CTNND2: variants seen among roughly 807,000 people sequenced by gnomAD.
CTNND2 encodes catenin delta 2, also known as catenin delta-2.
Under a neutral mutation model 144.4 loss-of-function variants are expected in CTNND2, and 22 were observed. That is an observed-to-expected ratio of 0.15 (90% CI 0.11 to 0.22). CTNND2 has a LOEUF of 0.22. Among genes scored for constraint, CTNND2 ranks in the 10% least tolerant of loss-of-function variants. The pLI, the probability that CTNND2 is intolerant of heterozygous loss-of-function variation, is 1.00. For synonymous variants in CTNND2, 751 were observed against 695.6 expected, an observed-to-expected ratio of 1.08 and a Z score of -1.25; for missense variants, 1,353 against 1,618.8, an observed-to-expected ratio of 0.84 and a Z score of 2.82.
At chr5:11,512,640 C>T (rs1252497083) in intron 3 of CTNND2, among the ~76,000 whole-genome samples, 2 of 152,244 alleles carry the variant, frequency 1.3e-5, no homozygotes, top group Non-Finnish European at 2.9e-5. Context: ...CTCTTCTCTG[C>T]CTTCCATCAC....
intron 3 of CTNND2, among the ~76,000 whole-genome samples, chr5:11,458,159 A>G (rs937771373): frequency 1.3e-5 from 2 of 152,132 alleles, no homozygotes; most frequent in African/African-American, 2.4e-5. Context: ...CACCTCTCCA[A>G]TCTCTCTAGT....
chr5:11,455,839 T>C (rs901405343), intron 3 of CTNND2, among the ~76,000 whole-genome samples: 1 of 152,196 alleles, frequency 6.6e-6, no homozygotes, highest in Non-Finnish European at 1.5e-5. Context: ...GCATTTTGTT[T>C]TCCATCCGAA....
intron 3 of CTNND2, among the ~76,000 whole-genome samples, chr5:11,445,895 G>A (rs1465226522): frequency 2.0e-5 from 3 of 152,212 alleles, no homozygotes; most frequent in Admixed American, 1.3e-4. Flanking sequence ...ATGTAACACA[G>A]TATTTAAATA....
intron 18 of CTNND2, 128 bp from the exon 19 acceptor site, chr5:10,992,805 G>A: frequency 7.9e-7 from 1 of 1,268,396 alleles, no homozygotes; most frequent in Non-Finnish European, 1.1e-6. Context: ...GGTTCTTGAA[G>A]TTCTGCGCTC....
intron 7 of CTNND2, among the ~76,000 whole-genome samples, chr5:11,382,595 CTGTGTGTGTGTGTG>C (rs71582432): frequency 1.4e-3 from 183 of 130,226 alleles, no homozygotes; most frequent in Non-Finnish European, 2.2e-3. Context: ...GAGTGAGACT[CTGTGTGTGTGTGTG>C]TGTGTGTGTG....
chr5:11,759,687 T>A (rs2126802623), intron 1 of CTNND2, among the ~76,000 whole-genome samples: 1 of 152,274 alleles, frequency 6.6e-6, no homozygotes, highest in African/African-American at 2.4e-5. Flanking sequence ...CATTCTAAGT[T>A]AAAGAGAAAT....
At chr5:11,680,318 T>A (rs1178055708) in intron 2 of CTNND2, among the ~76,000 whole-genome samples, 3 of 152,068 alleles carry the variant, frequency 2.0e-5, no homozygotes. Flanking sequence ...CACTCAACAA[T>A]TTTGCCCCCC....
chr5:11,712,630 T>C (rs1786093504), intron 2 of CTNND2, among the ~76,000 whole-genome samples: 2 of 152,222 alleles, frequency 1.3e-5, no homozygotes, highest in African/African-American at 4.8e-5. Context: ...AACTCATTTT[T>C]CCAATGATGC....
intron 2 of CTNND2, among the ~76,000 whole-genome samples, chr5:11,709,676 A>G (rs1258059109): frequency 6.6e-6 from 1 of 152,218 alleles, no homozygotes; most frequent in Admixed American, 6.5e-5. Context: ...TGCTTCCATC[A>G]TTTAAGAAAC....
intron 12 of CTNND2, among the ~76,000 whole-genome samples, chr5:11,141,564 T>TATGC (rs1339977352): frequency 6.6e-6 from 1 of 152,188 alleles, no homozygotes; most frequent in Non-Finnish European, 1.5e-5. Context: ...TTTGAACGGT[T>TATGC]AAGTTTGGAT....
chr5:11,249,369 C>T (rs1743337028), intron 9 of CTNND2, among the ~76,000 whole-genome samples: 1 of 152,058 alleles, frequency 6.6e-6, no homozygotes, highest in South Asian at 2.1e-4. Flanking sequence ...AGTAAGAGGG[C>T]GTTGAATAGA....
At chr5:11,296,483 G>A (rs1749021258) in intron 9 of CTNND2, among the ~76,000 whole-genome samples, 1 of 152,148 alleles carries the variant, frequency 6.6e-6, no homozygotes. Flanking sequence ...CCATTACTGG[G>A]TATATACCCA....
chr5:11,497,539 A>C, intron 3 of CTNND2, among the ~76,000 whole-genome samples: 1 of 137,864 alleles, frequency 7.3e-6, no homozygotes, highest in African/African-American at 2.7e-5. Context: ...CAATATGTGC[A>C]AAGGCCCTGA....
intron 3 of CTNND2, among the ~76,000 whole-genome samples, chr5:11,535,187 T>TAAA (rs11398798): frequency 2.3e-4 from 31 of 133,758 alleles, no homozygotes; most frequent in East Asian, 1.7e-3. Context: ...TACTCTGTCT[T>TAAA]AAAAAAAAAA....
At chr5:11,127,880 G>A (rs1213905606) in intron 12 of CTNND2, among the ~76,000 whole-genome samples, 1 of 151,994 alleles carries the variant, frequency 6.6e-6, no homozygotes, top group Non-Finnish European at 1.5e-5. Flanking sequence ...GAAACCTTTG[G>A]GGACTGTGGA....
chr5:11,669,551 C>T (rs756161738), intron 2 of CTNND2, among the ~76,000 whole-genome samples: 2 of 152,010 alleles, frequency 1.3e-5, no homozygotes, highest in African/African-American at 2.4e-5. Flanking sequence ...TATTTGCGTA[C>T]AGGTGTTTAT....
chr5:11,644,559 A>G (rs1378592335), intron 2 of CTNND2, among the ~76,000 whole-genome samples: 1 of 151,964 alleles, frequency 6.6e-6, no homozygotes, highest in Non-Finnish European at 1.5e-5. Context: ...CTGTAGTCCC[A>G]GCTACTCGGG....
chr5:11,191,110 A>T (rs1389491637), intron 11 of CTNND2, among the ~76,000 whole-genome samples: 3 of 152,222 alleles, frequency 2.0e-5, no homozygotes, highest in African/African-American at 4.8e-5. Flanking sequence ...GGCCTAGAGC[A>T]GGAGCAAGCA....
rs538223573 is a variant in CTNND2 at position 11,305,219 on chromosome 5, G to A, written c.1628+41153C>T. Among the ~76,000 whole-genome samples the A allele has an allele frequency of 7.2e-5, 11 of 152,250 alleles. No homozygotes were observed. The South Asian group carries it at 1.7e-3, about 23-fold the overall frequency. ...CAGGGCAGGTACTATTACCATCTCC[G>A]TTTGACAGATGAGGAACCTGGCACA... On this transcript the variant is annotated intron_variant, in intron 9 of 21. Transcript: ENST00000304623.
Sources: allele counts gnomAD v4.1 joint callset (sites outside exome capture counted in the v4.1 genomes callset), GRCh38; gene constraint gnomAD v4.1.1; transcripts MANE v1.5; gene names NCBI Gene and HGNC (gene_info 2026-07-23, HGNC 2026-07-21).